The following PDE7B variants were observed in gnomAD, a reference collection of about 807,000 sequenced individuals.
PDE7B encodes the protein 3',5'-cyclic-AMP phosphodiesterase 7B.
Under a neutral mutation model 56.2 loss-of-function variants are expected in PDE7B, and 29 were observed. The ratio of observed to expected loss-of-function variants is 0.52; its 90% CI spans 0.38 to 0.70. The LOEUF is 0.70. Among genes scored for constraint, PDE7B ranks in the 30% least tolerant of loss-of-function variants. PDE7B has a pLI of 0.00. For missense variants in PDE7B, 490 were observed against 565.0 expected, an observed-to-expected ratio of 0.87 and a Z score of 1.35; for synonymous variants, 197 against 196.9, an observed-to-expected ratio of 1.00 and a Z score of 0.00.
intron 2 of PDE7B, among the ~76,000 whole-genome samples, chr6:136,084,056 A>T (rs1777248454): frequency 6.6e-6 from 1 of 152,148 alleles, no homozygotes; most frequent in Non-Finnish European, 1.5e-5. Flanking sequence ...TTTGACTTCA[A>T]AATTAAATAT....
chr6:135,924,140 T>G (rs1386787625), intron 1 of PDE7B, among the ~76,000 whole-genome samples: 2 of 152,206 alleles, frequency 1.3e-5, no homozygotes, highest in Non-Finnish European at 2.9e-5. Context: ...ACAGAAAGTA[T>G]TTAGAAAAAA....
chr6:136,126,230 G>C (rs533709312), intron 3 of PDE7B, among the ~76,000 whole-genome samples: 1 of 152,220 alleles, frequency 6.6e-6, no homozygotes, highest in African/African-American at 2.4e-5. Context: ...TTCCTAAGAA[G>C]GCGAACAACT....
chr6:136,010,389 C>CT (rs1327188298), intron 2 of PDE7B, among the ~76,000 whole-genome samples: 12,024 of 98,470 alleles, frequency 0.12, 705 homozygotes, highest in African/African-American at 0.21. Flanking sequence ...TTATTCCCTT[C>CT]TTTTTTTTTT....
At chr6:135,874,220 A>G (rs1456718275) in intron 1 of PDE7B, among the ~76,000 whole-genome samples, 2 of 152,204 alleles carry the variant, frequency 1.3e-5, no homozygotes, top group African/African-American at 4.8e-5. Context: ...GTGGGAATGC[A>G]TCTGATGTCG....
At chr6:135,977,821 G>A (rs547251852) in intron 2 of PDE7B, among the ~76,000 whole-genome samples, 1 of 152,198 alleles carries the variant, frequency 6.6e-6, no homozygotes, top group East Asian at 1.9e-4. Flanking sequence ...AAGCTATTAG[G>A]TGGGGGCAAA....
intron 11 of PDE7B, 100 bp downstream of exon 11, chr6:136,181,423 CT>C: frequency 2.7e-6 from 2 of 749,950 alleles, no homozygotes; most frequent in Non-Finnish European, 4.7e-6. Context: ...GACATTTGTT[CT>C]CTCATCAACT....
chr6:135,894,951 A>G (rs989434917), intron 1 of PDE7B, among the ~76,000 whole-genome samples: 1 of 152,162 alleles, frequency 6.6e-6, no homozygotes, highest in Non-Finnish European at 1.5e-5. Flanking sequence ...TTTCAATTTT[A>G]AATATTGGAT....
At chr6:136,166,201 G>C (rs757201587) in intron 8 of PDE7B, 1 of 152,218 alleles carries the variant, frequency 6.6e-6, no homozygotes, top group Admixed American at 6.6e-5. Flanking sequence ...TTCCCGTCAC[G>C]ATTAATGGGC....
At chr6:136,069,618 TAAAAC>T (rs1368507461) in intron 2 of PDE7B, among the ~76,000 whole-genome samples, 4 of 152,238 alleles carry the variant, frequency 2.6e-5, no homozygotes, top group African/African-American at 4.8e-5. Flanking sequence ...TCTAGCCAAT[TAAAAC>T]AAACTAGGTC....
At position 135,893,657 on chromosome 6, in the gene PDE7B, T is replaced by C. The variant is rs1482976066; in HGVS notation, c.21+41638T>C. On this transcript the variant is annotated intron_variant, in intron 1 of 12. Transcript: ENST00000308191. ...ATACCATTTGACCCAGCCATCCCAT[T>C]ACTGGGTATATACCCAAAGGACTAT... Among the ~76,000 whole-genome samples, 4 of 152,262 alleles carry C rather than the reference T, an allele frequency of 2.6e-5. No individual in the cohort carries two copies. The East Asian group carries it at 7.7e-4, about 29-fold the overall frequency.
At chr6:136,095,933 G>C (rs917988996) in intron 2 of PDE7B, 3 of 152,184 alleles carry the variant, frequency 2.0e-5, no homozygotes, top group Non-Finnish European at 4.4e-5. Flanking sequence ...ATATGTTACT[G>C]TGTTTAATAA....
chr6:136,002,605 G>A (rs1225853457), intron 2 of PDE7B, among the ~76,000 whole-genome samples: 1 of 152,110 alleles, frequency 6.6e-6, no homozygotes, highest in African/African-American at 2.4e-5. Flanking sequence ...AGACAAAGAA[G>A]GCCATTACAT....
chr6:136,147,130 A>G (rs1297406813), intron 3 of PDE7B, among the ~76,000 whole-genome samples: 2 of 151,264 alleles, frequency 1.3e-5, no homozygotes, highest in Non-Finnish European at 2.9e-5. Flanking sequence ...TGACAGTGTG[A>G]GACCCAGTCT....
chr6:135,898,677 G>A (rs922863335), intron 1 of PDE7B, among the ~76,000 whole-genome samples: 57 of 152,070 alleles, frequency 3.7e-4, no homozygotes, highest in Middle Eastern at 3.4e-3. Context: ...TCTATAAAGC[G>A]TAAATAGCAT....
intron 2 of PDE7B, among the ~76,000 whole-genome samples, chr6:136,073,468 C>T (rs1322495245): frequency 6.6e-5 from 10 of 152,150 alleles, no homozygotes; most frequent in African/African-American, 1.9e-4. Flanking sequence ...GGCTGAAAGT[C>T]CAGGATCAAG....
At chr6:135,934,751 TA>T (rs1212383885) in intron 1 of PDE7B, among the ~76,000 whole-genome samples, 2 of 119,894 alleles carry the variant, frequency 1.7e-5, no homozygotes, top group Non-Finnish European at 3.3e-5. Context: ...TATATATATA[TA>T]TATTTTTTAA....
intron 2 of PDE7B, among the ~76,000 whole-genome samples, chr6:135,955,339 G>T (rs1316485788): frequency 6.6e-6 from 1 of 152,014 alleles, no homozygotes; most frequent in Non-Finnish European, 1.5e-5. Flanking sequence ...ACATGGTAAG[G>T]AGCTGAGTGT....
chr6:135,991,122 G>A (rs898465668), intron 2 of PDE7B, among the ~76,000 whole-genome samples: 36 of 152,298 alleles, frequency 2.4e-4, no homozygotes, highest in African/African-American at 7.2e-4. Flanking sequence ...CACTCTTACC[G>A]CCATCTTGGT....
intron 2 of PDE7B, among the ~76,000 whole-genome samples, chr6:136,074,902 G>T (rs1325249924): frequency 2.6e-5 from 4 of 152,088 alleles, no homozygotes; most frequent in African/African-American, 9.7e-5. Context: ...AGTGCAGGGA[G>T]CTTTTCAATA....
Sources: allele counts gnomAD v4.1 joint callset (sites outside exome capture counted in the v4.1 genomes callset), GRCh38; gene constraint gnomAD v4.1.1; transcripts MANE v1.5; gene names NCBI Gene and HGNC (gene_info 2026-07-23, HGNC 2026-07-21).